The following PDGFD variants were observed in gnomAD, a reference collection of about 807,000 sequenced individuals.
The protein encoded by PDGFD is platelet-derived growth factor D.
In PDGFD, 30 loss-of-function variants were observed where a neutral mutation model predicts 44.7. That is an observed-to-expected ratio of 0.67 (90% CI 0.50 to 0.91). The LOEUF is 0.91. Among genes scored for constraint, PDGFD ranks in the 40% least tolerant of loss-of-function variants. The pLI is 0.00. For synonymous variants in PDGFD, 173 were observed against 168.4 expected (o/e 1.03, Z -0.21); for missense variants, 445 against 457.8 (o/e 0.97, Z 0.25).
chr11:104,086,331 T>G (rs1861130557), intron 1 of PDGFD, among the ~76,000 whole-genome samples: 1 of 152,178 alleles, frequency 6.6e-6, no homozygotes. Flanking sequence ...AACAGCATGT[T>G]TTAGGATGAA....
intron 1 of PDGFD, among the ~76,000 whole-genome samples, chr11:104,153,593 A>G (rs1049097612): frequency 2.0e-5 from 3 of 152,188 alleles, no homozygotes; most frequent in Non-Finnish European, 4.4e-5. Flanking sequence ...AGTTCATTCA[A>G]AAACAATTGT....
At chr11:104,145,647 A>C (rs1393342061) in intron 1 of PDGFD, among the ~76,000 whole-genome samples, 1 of 152,114 alleles carries the variant, frequency 6.6e-6, no homozygotes, top group Non-Finnish European at 1.5e-5. Flanking sequence ...GGCCTTTTAG[A>C]CTTATTTTAT....
intron 1 of PDGFD, chr11:104,037,316 C>T: frequency 6.2e-7 from 1 of 1,613,708 alleles, no homozygotes; most frequent in Non-Finnish European, 8.5e-7. Context: ...GAACGCAACC[C>T]TCCCTTGGCG....
chr11:104,098,066 T>G (rs1861310768), intron 1 of PDGFD, among the ~76,000 whole-genome samples: 1 of 152,186 alleles, frequency 6.6e-6, no homozygotes, highest in Non-Finnish European at 1.5e-5. Flanking sequence ...CAAATAGTAC[T>G]TTGCCTGAAA....
chr11:104,094,897 T>C (rs1229777198), intron 1 of PDGFD, among the ~76,000 whole-genome samples: 1 of 152,090 alleles, frequency 6.6e-6, no homozygotes, highest in East Asian at 1.9e-4. Flanking sequence ...CAAAAACTCA[T>C]AAAAATGCCC....
At chr11:103,959,884 T>C (rs1858910430) in intron 3 of PDGFD, among the ~76,000 whole-genome samples, 1 of 152,162 alleles carries the variant, frequency 6.6e-6, no homozygotes, top group African/African-American at 2.4e-5. Context: ...ATAGGATAAA[T>C]GGTAATTAAA....
intron 1 of PDGFD, among the ~76,000 whole-genome samples, chr11:104,014,404 G>C (rs1274237593): frequency 6.6e-6 from 1 of 152,156 alleles, no homozygotes; most frequent in Non-Finnish European, 1.5e-5. Flanking sequence ...GCTGAGGCTG[G>C]AGGACTGCTT....
At chr11:104,118,880 T>TAAAATA (rs1861689707) in intron 1 of PDGFD, among the ~76,000 whole-genome samples, 1 of 94,822 alleles carries the variant, frequency 1.1e-5, no homozygotes, top group Non-Finnish European at 1.9e-5. Context: ...TTAATATACA[T>TAAAATA]ATATATTATT....
At chr11:104,065,175 G>A (rs1272532912) in intron 1 of PDGFD, among the ~76,000 whole-genome samples, 1 of 152,122 alleles carries the variant, frequency 6.6e-6, no homozygotes, top group African/African-American at 2.4e-5. Flanking sequence ...GACTCAGTCT[G>A]GCCTTGCTCC....
chr11:103,972,090 C>A (rs903565235), intron 3 of PDGFD, among the ~76,000 whole-genome samples: 15 of 152,128 alleles, frequency 9.9e-5, no homozygotes, highest in Admixed American at 2.6e-4. Context: ...TTAAAATGTT[C>A]CAGAAAATCA....
chr11:104,114,301 T>G (rs1861600748), intron 1 of PDGFD, among the ~76,000 whole-genome samples: 1 of 150,874 alleles, frequency 6.6e-6, no homozygotes, highest in Non-Finnish European at 1.5e-5. Flanking sequence ...AGATTCATTT[T>G]TTTTTCTGCA....
chr11:103,942,390 A>G (rs990398382), intron 5 of PDGFD, among the ~76,000 whole-genome samples: 2 of 152,134 alleles, frequency 1.3e-5, no homozygotes, highest in Non-Finnish European at 2.9e-5. Flanking sequence ...TTACATGCCA[A>G]TAAACATTCT....
chr11:104,111,037 C>T (rs1466112231), intron 1 of PDGFD, among the ~76,000 whole-genome samples: 2 of 152,006 alleles, frequency 1.3e-5, no homozygotes, highest in East Asian at 1.9e-4. Context: ...AGAAAATGTT[C>T]TGACAGTGGT....
intron 3 of PDGFD, among the ~76,000 whole-genome samples, chr11:103,949,772 T>A (rs961977914): frequency 3.3e-5 from 5 of 152,290 alleles, no homozygotes; most frequent in African/African-American, 1.2e-4. Context: ...CTACTCAGCA[T>A]GCCATGGAAG....
At chr11:103,972,961 CTG>C (rs1859124410) in intron 3 of PDGFD, among the ~76,000 whole-genome samples, 1 of 152,126 alleles carries the variant, frequency 6.6e-6, no homozygotes, top group African/African-American at 2.4e-5. Context: ...AATACATATA[CTG>C]TGAGTGTCAA....
At chr11:104,099,995 A>G (rs1485130068) in intron 1 of PDGFD, among the ~76,000 whole-genome samples, 1 of 152,182 alleles carries the variant, frequency 6.6e-6, no homozygotes, top group Admixed American at 6.5e-5. Flanking sequence ...TGGAACATAA[A>G]GAGAAGCCAG....
intron 1 of PDGFD, among the ~76,000 whole-genome samples, chr11:104,010,904 C>A (rs1325073758): frequency 6.6e-6 from 1 of 151,902 alleles, no homozygotes; most frequent in Non-Finnish European, 1.5e-5. Flanking sequence ...AACTTAACAC[C>A]CAGAAAATAA....
intron 1 of PDGFD, among the ~76,000 whole-genome samples, chr11:104,128,440 G>C (rs575529879): frequency 6.6e-6 from 1 of 152,022 alleles, no homozygotes; most frequent in Non-Finnish European, 1.5e-5. Context: ...ACAAAACACC[G>C]ATTTTGCTTT....
At position 104,094,144 on chromosome 11, in the gene PDGFD, G is replaced by GTGCT. The variant is rs1481508872; in HGVS notation, c.124+69656_124+69659dup. ...GCCTCTTAAACCAGCCCTCTCAGCA[G>GTGCT]TGCTTGGCACAATAGCCACCTCTCT... On this transcript the variant is annotated intron_variant, in intron 1 of 6. Coordinates refer to ENST00000393158, the MANE Select transcript of PDGFD (RefSeq NM_025208.5). Among the ~76,000 whole-genome samples, 10 of 152,010 alleles carry GTGCT rather than the reference G, an allele frequency of 6.6e-5. No individual in the cohort carries two copies. In the East Asian group the frequency reaches 1.9e-3, roughly 30 times the overall value.
Sources: allele counts gnomAD v4.1 joint callset (sites outside exome capture counted in the v4.1 genomes callset), GRCh38; gene constraint gnomAD v4.1.1; transcripts MANE v1.5; gene names NCBI Gene and HGNC (gene_info 2026-07-23, HGNC 2026-07-21).